MICU1: variants seen among roughly 807,000 people sequenced by gnomAD.
The protein encoded by MICU1 is mitochondrial calcium uptake 1, also known as calcium uptake protein 1, mitochondrial.
A neutral mutation model predicts 56.8 loss-of-function variants in MICU1; 45 were observed. That is an observed-to-expected ratio of 0.79 (90% CI 0.62 to 1.02). MICU1 has a LOEUF of 1.02. Among genes scored for constraint, MICU1 ranks in the 50% least tolerant of loss-of-function variants. The pLI, the probability that MICU1 is intolerant of heterozygous loss-of-function variation, is 0.00. For missense variants in MICU1, 504 were observed against 587.1 expected, an observed-to-expected ratio of 0.86 and a Z score of 1.46; for synonymous variants, 186 against 195.1, an observed-to-expected ratio of 0.95 and a Z score of 0.39.
intron 8 of MICU1, among the ~76,000 whole-genome samples, chr10:72,450,051 A>G (rs1865245418): frequency 6.6e-6 from 1 of 152,170 alleles, no homozygotes; most frequent in African/African-American, 2.4e-5. Context: ...TCTGGGAAGC[A>G]CTAAGGAAAT....
chr10:72,389,216 T>C (rs1862989988), intron 10 of MICU1, among the ~76,000 whole-genome samples: 1 of 152,214 alleles, frequency 6.6e-6, no homozygotes, highest in Admixed American at 6.5e-5. Flanking sequence ...TAGAAATTGC[T>C]GACTCCATCA....
At chr10:72,573,754 C>A (rs1840673913) in intron 1 of MICU1, among the ~76,000 whole-genome samples, 1 of 152,064 alleles carries the variant, frequency 6.6e-6, no homozygotes, top group Non-Finnish European at 1.5e-5. Flanking sequence ...AAAATAAAGG[C>A]AGGCCCAGAA....
At chr10:72,477,583 C>T (rs1866162764) in intron 6 of MICU1, 1 of 1,523,330 alleles carries the variant, frequency 6.6e-7, no homozygotes, top group Non-Finnish European at 8.8e-7. Context: ...CGTTCTGTTG[C>T]TTCAATATGG....
intron 4 of MICU1, among the ~76,000 whole-genome samples, chr10:72,542,777 T>G (rs1348693904): frequency 6.6e-6 from 1 of 152,236 alleles, no homozygotes; most frequent in Non-Finnish European, 1.5e-5. Context: ...CTGCATTTGT[T>G]GGCTCCCAAG....
intron 6 of MICU1, among the ~76,000 whole-genome samples, chr10:72,500,503 G>A (rs2132328160): frequency 6.6e-6 from 1 of 151,002 alleles, no homozygotes; most frequent in Non-Finnish European, 1.5e-5. Context: ...TGTATTTTTA[G>A]TAGAGACAAG....
At chr10:72,511,314 A>C (rs1339883013) in intron 5 of MICU1, among the ~76,000 whole-genome samples, 2 of 152,182 alleles carry the variant, frequency 1.3e-5, no homozygotes, top group Non-Finnish European at 2.9e-5. Context: ...TACACACTGA[A>C]CACCATAATC....
At chr10:72,562,099 C>T (rs987478489) in intron 3 of MICU1, among the ~76,000 whole-genome samples, 3 of 149,402 alleles carry the variant, frequency 2.0e-5, no homozygotes, top group Non-Finnish European at 4.4e-5. Context: ...ACTGAAACTT[C>T]GCTGAGGCAA....
intron 9 of MICU1, among the ~76,000 whole-genome samples, chr10:72,417,847 T>G (rs1864034306): frequency 6.6e-6 from 1 of 152,152 alleles, no homozygotes; most frequent in Non-Finnish European, 1.5e-5. Context: ...TAGATTTACC[T>G]GGGGACCCTT....
intron 1 of MICU1, among the ~76,000 whole-genome samples, 160 bp downstream of exon 1, chr10:72,625,850 G>A (rs901376880): frequency 2.0e-5 from 3 of 152,214 alleles, no homozygotes; most frequent in African/African-American, 7.2e-5. Context: ...GCATCAGGGA[G>A]AGACAGGTAT....
chr10:72,427,893 A>G (rs1202911236), intron 8 of MICU1, among the ~76,000 whole-genome samples: 1 of 152,056 alleles, frequency 6.6e-6, no homozygotes, highest in Non-Finnish European at 1.5e-5. Context: ...TGAGGTCCTA[A>G]CCATGCCACT....
chr10:72,469,111 T>C (rs1040737898), intron 8 of MICU1, among the ~76,000 whole-genome samples: 1 of 152,190 alleles, frequency 6.6e-6, no homozygotes, highest in African/African-American at 2.4e-5. Flanking sequence ...AGAATTAAAA[T>C]AAAGAAGGCA....
chr10:72,375,770 G>C lies in MICU1; in HGVS notation c.1270+13C>G. On this transcript the variant is annotated intron_variant, in intron 11 of 11. Transcript: ENST00000361114. ...GGCTGTTTCCCCTCCGGGCTCCAGA[G>C]GGCCCCACTCACCATCACAGTCAAA... 1.2e-6 allele frequency: 2 copies of C among 1,609,732 alleles called. No homozygotes were observed.
chr10:72,412,254 T>A (rs11812757), intron 9 of MICU1, among the ~76,000 whole-genome samples: 1 of 152,200 alleles, frequency 6.6e-6, no homozygotes, highest in African/African-American at 2.4e-5. Context: ...TATTGCAAAT[T>A]GAGTTGTTTG....
At chr10:72,606,560 T>G (rs1375619323) in intron 1 of MICU1, among the ~76,000 whole-genome samples, 1 of 152,034 alleles carries the variant, frequency 6.6e-6, no homozygotes, top group Non-Finnish European at 1.5e-5. Flanking sequence ...TGAACTTATC[T>G]ATCCTTGCTA....
chr10:72,481,565 C>T (rs1331516976), intron 6 of MICU1, among the ~76,000 whole-genome samples: 1 of 152,108 alleles, frequency 6.6e-6, no homozygotes, highest in Non-Finnish European at 1.5e-5. Flanking sequence ...GAGCACACCA[C>T]CACCCCCGGC....
At chr10:72,597,072 G>GT (rs1203088572) in intron 1 of MICU1, among the ~76,000 whole-genome samples, 2 of 152,066 alleles carry the variant, frequency 1.3e-5, no homozygotes, top group African/African-American at 2.4e-5. Context: ...TTTTTGCTCA[G>GT]TTTTTTCTGT....
At chr10:72,431,285 C>A (rs573937630) in intron 8 of MICU1, among the ~76,000 whole-genome samples, 1 of 152,198 alleles carries the variant, frequency 6.6e-6, no homozygotes, top group African/African-American at 2.4e-5. Flanking sequence ...CGAGCACTAC[C>A]ACGCCAGCTA....
chr10:72,465,475 G>A (rs926084890), intron 8 of MICU1, among the ~76,000 whole-genome samples: 12 of 145,184 alleles, frequency 8.3e-5, no homozygotes, highest in South Asian at 2.2e-4. Context: ...CCCATTTGCC[G>A]TCACATGGAA....
chr10:72,446,247 T>G (rs1451736140), intron 8 of MICU1, among the ~76,000 whole-genome samples: 1 of 152,188 alleles, frequency 6.6e-6, no homozygotes, highest in African/African-American at 2.4e-5. Context: ...ATGAAGAAAT[T>G]TTAGACCAAT....
Sources: allele counts gnomAD v4.1 joint callset (sites outside exome capture counted in the v4.1 genomes callset), GRCh38; gene constraint gnomAD v4.1.1; transcripts MANE v1.5; gene names NCBI Gene and HGNC (gene_info 2026-07-23, HGNC 2026-07-21).